Variants in ESYT2 observed in about 807,000 individuals in gnomAD.
ESYT2 encodes extended synaptotagmin 2, also known as extended synaptotagmin-2.
In ESYT2, 54 loss-of-function variants were observed where a neutral mutation model predicts 107.2. That is an observed-to-expected ratio of 0.50 (90% CI 0.40 to 0.63). The LOEUF is 0.63. Among genes scored for constraint, ESYT2 ranks in the 30% least tolerant of loss-of-function variants. ESYT2 has a pLI of 0.00. For synonymous variants in ESYT2, 491 were observed against 434.1 expected (o/e 1.13, Z -1.63); for missense variants, 1,020 against 1,094.5 (o/e 0.93, Z 0.96).
intron 18 of ESYT2, among the ~76,000 whole-genome samples, chr7:158,740,781 AGAG>A (rs1419079774): frequency 2.6e-5 from 4 of 152,206 alleles, no homozygotes; most frequent in African/African-American, 4.8e-5. Context: ...AGTGTGGCTC[AGAG>A]GAGGGCGGCT....
chr7:158,736,419 C>T (rs1836952130), intron 20 of ESYT2, among the ~76,000 whole-genome samples: 1 of 152,156 alleles, frequency 6.6e-6, no homozygotes, highest in Non-Finnish European at 1.5e-5. Context: ...GGACAATCAC[C>T]TAAGATACCA....
At chr7:158,782,065 AGT>A (rs1423624381) in intron 6 of ESYT2, among the ~76,000 whole-genome samples, 11 of 145,852 alleles carry the variant, frequency 7.5e-5, no homozygotes, top group African/African-American at 2.3e-4. Context: ...GAACGTGTGA[AGT>A]GTGGTGTATG....
At chr7:158,798,270 A>G (rs939202241) in intron 2 of ESYT2, among the ~76,000 whole-genome samples, 194 bp from the exon 3 acceptor site, 5 of 152,212 alleles carry the variant, frequency 3.3e-5, no homozygotes, top group African/African-American at 1.2e-4. Flanking sequence ...TGATTAACCA[A>G]TATGTTGCAG....
rs528747675 is a variant in ESYT2 at position 158,798,031 on chromosome 7, A to C, written c.418T>G (p.Leu140Val). 7.6e-5 allele frequency: 122 copies of C among 1,614,172 alleles called. 2 individuals carry two copies. The South Asian group carries it at 1.3e-3, about 17-fold the overall frequency. The change falls in exon 3 of 23, where the codon TTG becomes GTG. Residue 140 changes from leucine to valine, a missense_variant. Leu to Val is a conservative substitution (Grantham distance 32, BLOSUM62 1). Coordinates refer to ENST00000275418, the MANE Select transcript of ESYT2 (RefSeq NM_001367773.1). ...GCTGGTTCTATAGTTTCTCGAAACAACTTCTCTATAAATTGGCAAATGAAA... is the reference window on the plus strand; with the variant it reads ...GCTGGTTCTATAGTTTCTCGAAACACCTTCTCTATAAATTGGCAAATGAAA... ...WPFICQFIEKLFRETIEPAVR... is the reference protein window; with the variant it reads ...WPFICQFIEKVFRETIEPAVR...
At chr7:158,747,037 G>A (rs931167270) in intron 16 of ESYT2, among the ~76,000 whole-genome samples, 6 of 151,776 alleles carry the variant, frequency 4.0e-5, no homozygotes, top group African/African-American at 1.5e-4. Context: ...GGGTAACAGA[G>A]TGAAACTCTG....
At chr7:158,743,332 C>T (rs1479782448) in intron 17 of ESYT2, among the ~76,000 whole-genome samples, 197 bp downstream of exon 17, 4 of 152,276 alleles carry the variant, frequency 2.6e-5, no homozygotes, top group Non-Finnish European at 4.4e-5. Flanking sequence ...TGGCTGAGTC[C>T]CAGCCTTTGT....
chr7:158,792,764 GTT>G (rs35348712), intron 4 of ESYT2, among the ~76,000 whole-genome samples: 14,995 of 117,990 alleles, frequency 0.13, 1,005 homozygotes, highest in African/African-American at 0.23. Flanking sequence ...ATAACGTGGG[GTT>G]TTTTTTTTTT....
chr7:158,797,988 G>A lies in ESYT2; in HGVS notation c.461C>T (p.Thr154Ile). 6.2e-7 allele frequency: 1 copy of A among 1,614,140 alleles called. No individual in the cohort carries two copies. Among genetic ancestry groups the A allele is most frequent in the Non-Finnish European group, 8.5e-7 (1 of 1,179,970 alleles). The change falls in exon 3 of 23, where the codon ACC becomes ATC. Residue 154 changes from threonine (T) to isoleucine (I), a missense_variant. By Grantham distance (89) the Thr-to-Ile change is moderately conservative. Coordinates refer to ENST00000275418, the MANE Select transcript of ESYT2 (RefSeq NM_001367773.1). ...TIEPAVRGANTHLSTFSFTKV... is the reference protein window; with the variant it reads ...TIEPAVRGANIHLSTFSFTKV... ...CGTGAAACTAAAGGTGCTAAGGTGG[G>A]TGTTTGCTCCCCGCACGGCTGGTTC...
At chr7:158,735,084 A>C (rs1045265952) in intron 21 of ESYT2, among the ~76,000 whole-genome samples, 1 of 152,270 alleles carries the variant, frequency 6.6e-6, no homozygotes, top group Admixed American at 6.5e-5. Context: ...ACAGCTGACG[A>C]AATGATGCCC....
Position 158,785,214 on chromosome 7 carries a change from T to A in ESYT2, c.747+2790A>T, listed in dbSNP as rs368329318. Among the ~76,000 whole-genome samples, 20 of 152,186 alleles carry A rather than the reference T, an allele frequency of 1.3e-4. No homozygotes were observed. The South Asian group carries it at 2.1e-3, about 16-fold the overall frequency. On this transcript the variant is annotated intron_variant, in intron 6 of 22. Transcript: ENST00000275418. ...AAGGTGGGTGGATCACCTGAGGTCATAAGTTCAAGACCATCCTGGCTGACA... is the reference window on the plus strand; with the variant it reads ...AAGGTGGGTGGATCACCTGAGGTCAAAAGTTCAAGACCATCCTGGCTGACA...
chr7:158,818,966 G>C (rs1226566037), intron 1 of ESYT2, among the ~76,000 whole-genome samples: 1 of 152,236 alleles, frequency 6.6e-6, no homozygotes, highest in Non-Finnish European at 1.5e-5. Context: ...GTCATGTCCA[G>C]ACAAGGACAC....
chr7:158,791,793 CAGG>C (rs1162556806), intron 4 of ESYT2, among the ~76,000 whole-genome samples: 2 of 152,180 alleles, frequency 1.3e-5, no homozygotes, highest in Admixed American at 6.5e-5. Flanking sequence ...TGTTGAATTT[CAGG>C]AGTTCTCTAT....
intron 1 of ESYT2, among the ~76,000 whole-genome samples, chr7:158,803,336 T>C (rs562334424): frequency 8.5e-5 from 13 of 152,330 alleles, no homozygotes; most frequent in South Asian, 8.3e-4. Context: ...ATGGAACAGA[T>C]AAGGCAAAAA....
At chr7:158,798,646 CAAAAAAAA>C (rs57351086) in intron 2 of ESYT2, among the ~76,000 whole-genome samples, 9 of 49,858 alleles carry the variant, frequency 1.8e-4, no homozygotes, top group African/African-American at 2.7e-4. Context: ...AGCTCCGTCT[CAAAAAAAA>C]AAAAAAAAAA....
intron 6 of ESYT2, among the ~76,000 whole-genome samples, chr7:158,780,745 G>A (rs1367447083): frequency 1.3e-5 from 2 of 152,208 alleles, no homozygotes; most frequent in Non-Finnish European, 2.9e-5. Flanking sequence ...GGAAGGAAAG[G>A]ACTCAGCTGG....
intron 18 of ESYT2, among the ~76,000 whole-genome samples, chr7:158,741,273 C>A (rs1837191233): frequency 6.6e-6 from 1 of 152,214 alleles, no homozygotes; most frequent in South Asian, 2.1e-4. Context: ...TACTGTGAAA[C>A]CTATTACTCC....
At chr7:158,806,692 A>G (rs1339363861) in intron 1 of ESYT2, among the ~76,000 whole-genome samples, 2 of 152,202 alleles carry the variant, frequency 1.3e-5, no homozygotes, top group African/African-American at 4.8e-5. Context: ...TGTCTCTGCT[A>G]AAAGAAAGGT....
At chr7:158,828,896 T>A (rs1169927167) in intron 1 of ESYT2, among the ~76,000 whole-genome samples, 193 bp downstream of exon 1, 1 of 139,518 alleles carries the variant, frequency 7.2e-6, no homozygotes, top group Non-Finnish European at 1.6e-5. Context: ...GGCTGGGGTC[T>A]GCACTCGCCC....
intron 1 of ESYT2, among the ~76,000 whole-genome samples, chr7:158,809,028 G>A (rs931934463): frequency 3.9e-5 from 6 of 151,932 alleles, no homozygotes; most frequent in Non-Finnish European, 8.8e-5. Context: ...AAACAAATAA[G>A]TTTGTGGGTA....
Sources: gnomAD v4.1 joint callset for allele counts (sites outside exome capture counted in the v4.1 genomes callset) on GRCh38, gnomAD v4.1.1 for gene constraint, MANE v1.5 for transcripts, NCBI Gene and HGNC (gene_info 2026-07-23, HGNC 2026-07-21) for gene names.